The following ELAVL3 variants were observed in gnomAD, a reference collection of about 807,000 sequenced individuals.
The protein encoded by ELAVL3 is ELAV-like protein 3.
Under a neutral mutation model 34.2 loss-of-function variants are expected in ELAVL3, and 8 were observed. The ratio of observed to expected loss-of-function variants is 0.23; its 90% confidence interval spans 0.14 to 0.42. The LOEUF is 0.42. Among genes scored for constraint, ELAVL3 ranks in the 10% least tolerant of loss-of-function variants. The probability of loss-of-function intolerance (pLI) is 1.00; values close to 1 mark genes in which losing one functional copy is unlikely to be tolerated. For missense variants in ELAVL3, 273 were observed against 518.8 expected (o/e 0.53, Z 4.60); for synonymous variants, 209 against 222.1 (o/e 0.94, Z 0.53).
chr19:11,479,074 C>G (rs1163787421), intron 1 of ELAVL3, among the ~76,000 whole-genome samples: 1 of 152,152 alleles, frequency 6.6e-6, no homozygotes, highest in Non-Finnish European at 1.5e-5. Flanking sequence ...TGTGTGACCT[C>G]TGACCACACC....
intron 1 of ELAVL3, among the ~76,000 whole-genome samples, chr19:11,471,765 C>G (rs572048528): frequency 2.0e-4 from 30 of 152,086 alleles, no homozygotes; most frequent in Non-Finnish European, 3.8e-4. Context: ...AATTTTCTTA[C>G]TGTAACAGTC....
intron 3 of ELAVL3, among the ~76,000 whole-genome samples, chr19:11,463,060 A>G (rs1430476745): frequency 6.6e-6 from 1 of 151,800 alleles, no homozygotes; most frequent in Admixed American, 6.6e-5. Flanking sequence ...CTGTGAGGGT[A>G]CTTGCTGATG....
intron 3 of ELAVL3, among the ~76,000 whole-genome samples, chr19:11,465,625 A>C (rs183431982): frequency 9.9e-5 from 15 of 151,448 alleles, no homozygotes; most frequent in Admixed American, 3.9e-4. Flanking sequence ...GTCCGGGAGC[A>C]GATTTGCAGG....
At chr19:11,464,920 A>ACCC (rs1970998253) in intron 3 of ELAVL3, among the ~76,000 whole-genome samples, 1 of 133,528 alleles carries the variant, frequency 7.5e-6, no homozygotes, top group Admixed American at 7.7e-5. Flanking sequence ...CACACCACAC[A>ACCC]CACACCACAC....
At chr19:11,479,781 G>A (rs1238376912) in intron 1 of ELAVL3, among the ~76,000 whole-genome samples, 2 of 151,680 alleles carry the variant, frequency 1.3e-5, no homozygotes, top group East Asian at 2.0e-4. Context: ...AGCGGTGCGG[G>A]CGAGCAGGCG....
chr19:11,476,578 C>T (rs1206252124), intron 1 of ELAVL3, among the ~76,000 whole-genome samples: 7 of 151,572 alleles, frequency 4.6e-5, no homozygotes, highest in African/African-American at 1.7e-4. Context: ...GGAATAGGAA[C>T]AGAGTTGCAT....
chr19:11,458,182 T>C lies in ELAVL3; in HGVS notation c.592A>G (p.Ile198Val). Residue 198 changes from isoleucine (I) to valine (V), a missense_variant, in exon 5 of 7, where the codon ATC becomes GTC. This residue lies in a region of ELAVL3 where 102 missense variants were observed against 250.1 expected (regional missense o/e 0.41). Transcript: ENST00000359227. This position sits in a 1 kb window ranked among gnomAD's most constrained non-coding sequence, Gnocchi z 7.3. ...GQKPLGAAEP[I>V]TVKFANNPSQ... The stretch of plus-strand genomic sequence containing the variant: ...GGGTTGTTCGCGAACTTGACTGTGA[T>C]GGGCTCAGCTGCGCCCAGCGGCTTC... The C allele has an allele frequency of 6.2e-7, 1 of 1,614,154 alleles. No homozygotes were observed. The highest frequency in any genetic ancestry group is 8.5e-7 in the Non-Finnish European group (1 of 1,180,018).
At chr19:11,468,845 T>C (rs544083629) in intron 1 of ELAVL3, among the ~76,000 whole-genome samples, 128 of 152,306 alleles carry the variant, frequency 8.4e-4, no homozygotes, top group African/African-American at 2.7e-3. Flanking sequence ...TATTCCTAGA[T>C]CCTAAGACTT....
chr19:11,472,487 G>C (rs1264854142), intron 1 of ELAVL3, among the ~76,000 whole-genome samples: 1 of 152,044 alleles, frequency 6.6e-6, no homozygotes, highest in Non-Finnish European at 1.5e-5. Flanking sequence ...GACTGGTTGA[G>C]CTCAGGAGTT....
At chr19:11,459,216 G>T (rs1387070794) in intron 3 of ELAVL3, among the ~76,000 whole-genome samples, 1 of 150,608 alleles carries the variant, frequency 6.6e-6, no homozygotes, top group South Asian at 2.1e-4. Flanking sequence ...TCTGCTTACC[G>T]GGTTCAAGCA....
intron 1 of ELAVL3, among the ~76,000 whole-genome samples, chr19:11,476,193 A>G (rs957643676): frequency 6.6e-6 from 1 of 152,152 alleles, no homozygotes; most frequent in Admixed American, 6.6e-5. Flanking sequence ...AAAATTCCTC[A>G]TGTGAAACTT....
chr19:11,459,583 T>A (rs1393113252), intron 3 of ELAVL3, among the ~76,000 whole-genome samples: 3 of 110,362 alleles, frequency 2.7e-5, no homozygotes, highest in Non-Finnish European at 5.2e-5. Context: ...AATCTTTAAA[T>A]TTTTTTTTTT....
chr19:11,469,367 G>T (rs932337956), intron 1 of ELAVL3, among the ~76,000 whole-genome samples: 1 of 152,046 alleles, frequency 6.6e-6, no homozygotes, highest in Non-Finnish European at 1.5e-5. Flanking sequence ...CCCAAACTCC[G>T]CCTCTCAGGT....
chr19:11,454,687 C>T lies in ELAVL3; in HGVS notation c.943G>A (p.Val315Ile). 6.2e-7 allele frequency: 1 copy of T among 1,614,212 alleles called. No homozygotes were observed. The highest frequency in any genetic ancestry group is 8.5e-7 in the Non-Finnish European group (1 of 1,180,022). ...GPFGAVTNVK[V>I]IRDFTTNKCK... is the part of the protein sequence containing the mutation. ...TTGTTGGTGGTGAAATCACGGATGA[C>T]CTTGACGTTGGTGACTGCCCCAAAA... Residue 315 changes from valine to isoleucine, a missense_variant, in exon 7 of 7, where the codon GTC becomes ATC. Val to Ile is a conservative substitution (Grantham distance 29). Coordinates refer to ENST00000359227, the MANE Select transcript of ELAVL3 (RefSeq NM_001420.4). The surrounding 1 kb of genome is among the most constrained non-coding windows in gnomAD (Gnocchi z 9.2).
chr19:11,453,947 T>A lies in ELAVL3; in HGVS notation c.*579A>T, dbSNP rs1599524868. ...TACAAAAATAGAGTTTTTCTTCCCC[T>A]CCCACCCCCCTTTTTTTTTCATTTT... On this transcript the variant is annotated 3_prime_UTR_variant, in exon 7 of 7. Coordinates refer to ENST00000359227, the MANE Select transcript of ELAVL3 (RefSeq NM_001420.4). The A allele has an allele frequency of 2.7e-5, 4 of 148,332 alleles. No individual in the cohort carries two copies. The South Asian group carries it at 8.6e-4, about 32-fold the overall frequency. The allele number at this position is 148,332 out of a possible 1,614,324, so 9.2% of individuals were successfully genotyped here. A position where few individuals can be genotyped will look rare whatever the true frequency, so the allele number is the denominator to read the frequency against.
rs567690713 is a variant in ELAVL3, at chr19:11,466,686, T to A, written c.151A>T (p.Thr51Ser). 4.3e-6 allele frequency: 7 copies of A among 1,614,112 alleles called. No individual in the cohort carries two copies. The African/African-American group carries it at 9.3e-5, about 22-fold the overall frequency. ...LIVNYLPQNM[T>S]QDEFKSLFGS... Reference sequence around the variant, plus strand: ...AAGAGACTCTTGAACTCATCCTGGGTCATGTTCTGGGGCAGGTAGTTGACG... The same window carrying A: ...AAGAGACTCTTGAACTCATCCTGGGACATGTTCTGGGGCAGGTAGTTGACG... The change falls in exon 2 of 7, where the codon ACC (threonine) becomes TCC (serine). Residue 51 changes from threonine to serine, a missense_variant. By Grantham distance (58) the Thr-to-Ser change is moderately conservative (BLOSUM62 1). Transcript: ENST00000359227. This position sits in a 1 kb window ranked among gnomAD's most constrained non-coding sequence, Gnocchi z 5.0.
rs569940739 is a variant in ELAVL3 at position 11,452,956 on chromosome 19, C to T, written c.*1570G>A. The T allele has an allele frequency of 1.3e-4, 20 of 152,272 alleles. No homozygotes were observed. Among genetic ancestry groups the T allele is most frequent in the African/African-American group, 4.1e-4 (17 of 41,534 alleles). 9.4% of individuals were successfully genotyped at this position (152,272 alleles called of 1,614,324 possible). A position where few individuals can be genotyped will look rare whatever the true frequency, so the allele number is the denominator to read the frequency against. On this transcript the variant is annotated 3_prime_UTR_variant, in exon 7 of 7. Transcript: ENST00000359227. ...TGGAAAGACGAAAAACCCAACAAAC[C>T]GAAAGGGGATAGGTAGGTGACAAGT...
rs550237818 is a variant in ELAVL3 at position 11,480,474 on chromosome 19, AC to A, written c.9+125del. 8.4e-5 allele frequency: 63 copies of A among 752,188 alleles called. No individual in the cohort carries two copies. The highest frequency in any genetic ancestry group is 2.2e-4 in the African/African-American group (11 of 48,904). 46.6% of individuals were successfully genotyped at this position (752,188 alleles called of 1,614,324 possible). A position where few individuals can be genotyped will look rare whatever the true frequency, so the allele number is the denominator to read the frequency against. ...CTCTCAGGCCCCGAGGCTTGGTCCT[AC>A]CCCCCCAACCCGGGCCTAGCTAGGC... On this transcript the variant is annotated intron_variant, in intron 1 of 6. Coordinates refer to ENST00000359227, the MANE Select transcript of ELAVL3 (RefSeq NM_001420.4). This position sits in a 1 kb window ranked among gnomAD's most constrained non-coding sequence, Gnocchi z 6.8.
At chr19:11,464,505 CCAGAGCCACAGT>C (rs1445927774) in intron 3 of ELAVL3, among the ~76,000 whole-genome samples, 1 of 151,394 alleles carries the variant, frequency 6.6e-6, no homozygotes, top group African/African-American at 2.4e-5. Context: ...TGTGTCACAG[CCAGAGCCACAGT>C]GAGTCACGGG....
Sources: gnomAD v4.1 joint callset for allele counts (sites outside exome capture counted in the v4.1 genomes callset) on GRCh38, gnomAD v4.1.1 for gene constraint, gnomAD v4.1.1 regional missense constraint, Gnocchi (gnomAD v3.1) non-coding constraint, MANE v1.5 for transcripts, NCBI Gene and HGNC (gene_info 2026-07-23, HGNC 2026-07-21) for gene names.